LINGO2: variants seen among roughly 807,000 people sequenced by gnomAD.
LINGO2 encodes the protein leucine rich repeat and Ig domain containing 2.
In LINGO2, 14 loss-of-function variants were observed where a neutral mutation model predicts 30.6. The observed-to-expected ratio is 0.46, with a 90% CI of 0.30 to 0.72. The LOEUF (loss-of-function observed/expected upper bound fraction) is 0.72, where lower values mean the gene tolerates loss of function less well. LINGO2 is among the 30% of genes least tolerant of loss of function. LINGO2 has a pLI of 0.07. For missense variants in LINGO2, 729 were observed against 751.7 expected (o/e 0.97, Z 0.35); for synonymous variants, 317 against 288.5 (o/e 1.10, Z -1.00).
chr9:28,899,839 A>C, the LINGO2 span, among the ~76,000 whole-genome samples: 1 of 152,152 alleles, frequency 6.6e-6, no homozygotes, highest in African/African-American at 2.4e-5. Flanking sequence ...CCCATCGTCC[A>C]AGGCCACCCC....
In LINGO2 at chr9:28,341,855, C is replaced by T. The variant is rs542083367; in HGVS notation, c.-246+30981G>A. Among the ~76,000 whole-genome samples the T allele has an allele frequency of 1.6e-4, 24 of 152,186 alleles. 1 individual carries two copies. Among genetic ancestry groups the T allele is most frequent in the Admixed American group, 1.4e-3 (22 of 15,272 alleles). ...TAGCATCCCTTTACTGGAAATAAAA[C>T]ACCACATACCCACAATGCATTGTTT... On this transcript the variant is annotated intron_variant, in intron 3 of 5. Transcript: ENST00000379992.
At chr9:28,421,434 A>G (rs977188959) in intron 2 of LINGO2, among the ~76,000 whole-genome samples, 6 of 151,394 alleles carry the variant, frequency 4.0e-5, no homozygotes, top group Non-Finnish European at 8.9e-5. Context: ...AAAAAAAGCC[A>G]TCCTAAAATT....
chr9:29,073,004 C>T, the LINGO2 span, among the ~76,000 whole-genome samples: 5 of 150,980 alleles, frequency 3.3e-5, no homozygotes, highest in Non-Finnish European at 5.9e-5. Context: ...CCCATGGGCA[C>T]ACACACACCC....
the LINGO2 span, among the ~76,000 whole-genome samples, chr9:29,010,678 T>C: frequency 1.1e-4 from 16 of 152,152 alleles, no homozygotes; most frequent in African/African-American, 3.9e-4. Context: ...TACTACTCAA[T>C]ATAGAATTAG....
At chr9:28,206,185 A>G (rs1024332235) in intron 4 of LINGO2, among the ~76,000 whole-genome samples, 30 of 151,178 alleles carry the variant, frequency 2.0e-4, no homozygotes, top group Non-Finnish European at 3.5e-4. Flanking sequence ...AAAAAAAAAA[A>G]AAAAAGGAGG....
At chr9:28,104,815 ATTG>A (rs887108237) in intron 4 of LINGO2, among the ~76,000 whole-genome samples, 2 of 152,130 alleles carry the variant, frequency 1.3e-5, no homozygotes, top group Admixed American at 6.6e-5. Flanking sequence ...TCAAAGAAAT[ATTG>A]TTCTATTTTT....
At chr9:28,071,843 TTTTA>T (rs1825488275) in intron 4 of LINGO2, among the ~76,000 whole-genome samples, 2 of 152,286 alleles carry the variant, frequency 1.3e-5, no homozygotes, top group African/African-American at 2.4e-5. Context: ...TATTTCTGAA[TTTTA>T]TTTATTATTG....
intron 4 of LINGO2, among the ~76,000 whole-genome samples, chr9:28,141,248 A>T (rs1383334588): frequency 6.6e-6 from 1 of 152,214 alleles, no homozygotes; most frequent in African/African-American, 2.4e-5. Context: ...TGGAATTTTT[A>T]GAAATGTGTC....
the LINGO2 span, among the ~76,000 whole-genome samples, chr9:29,049,214 G>T: frequency 6.6e-6 from 1 of 152,142 alleles, no homozygotes; most frequent in Non-Finnish European, 1.5e-5. Context: ...CAGATGAAAA[G>T]GTGCTGACAT....
chr9:28,495,993 G>C (rs957342262), intron 1 of LINGO2, among the ~76,000 whole-genome samples: 1 of 152,048 alleles, frequency 6.6e-6, no homozygotes. Flanking sequence ...TAAAACCTGA[G>C]TTCTAGTTTG....
the LINGO2 span, among the ~76,000 whole-genome samples, chr9:29,131,377 T>C: frequency 2.0e-5 from 3 of 152,158 alleles, no homozygotes; most frequent in Non-Finnish European, 2.9e-5. Flanking sequence ...TTAAGATCTT[T>C]AAATTTAACA....
At chr9:28,138,294 T>C (rs1029642837) in intron 4 of LINGO2, among the ~76,000 whole-genome samples, 10 of 152,166 alleles carry the variant, frequency 6.6e-5, no homozygotes, top group Non-Finnish European at 1.0e-4. Flanking sequence ...TTTTTTTCCT[T>C]TGCTTTACTT....
chr9:28,914,084 T>C, the LINGO2 span, among the ~76,000 whole-genome samples: 7 of 152,248 alleles, frequency 4.6e-5, no homozygotes, highest in African/African-American at 1.4e-4. Context: ...TGATAAAGCA[T>C]ACAACAAGAA....
intron 1 of LINGO2, among the ~76,000 whole-genome samples, chr9:28,530,494 A>G (rs1223555728): frequency 1.3e-5 from 2 of 152,150 alleles, no homozygotes; most frequent in Admixed American, 1.3e-4. Context: ...CTCAGAGTAA[A>G]CATAACGGCC....
the LINGO2 span, among the ~76,000 whole-genome samples, chr9:28,938,908 TAA>T: frequency 6.6e-6 from 1 of 152,276 alleles, no homozygotes; most frequent in South Asian, 2.1e-4. Flanking sequence ...TGTTAAGAAA[TAA>T]GAGCTCACAC....
the LINGO2 span, among the ~76,000 whole-genome samples, chr9:28,851,362 C>G: frequency 2.0e-5 from 3 of 152,058 alleles, no homozygotes; most frequent in Non-Finnish European, 4.4e-5. Context: ...TGAGCCAAGT[C>G]ATTTCATATT....
intron 4 of LINGO2, among the ~76,000 whole-genome samples, chr9:28,200,798 A>G (rs1177378866): frequency 6.6e-6 from 1 of 152,230 alleles, no homozygotes; most frequent in Admixed American, 6.5e-5. Flanking sequence ...TTTAAAGTCC[A>G]GTGATAAAAA....
the LINGO2 span, among the ~76,000 whole-genome samples, chr9:28,847,286 C>A: frequency 2.0e-5 from 3 of 147,710 alleles, no homozygotes; most frequent in African/African-American, 7.7e-5. Context: ...TATAACAGCA[C>A]AATTTAAGAA....
chr9:29,079,264 G>A, the LINGO2 span, among the ~76,000 whole-genome samples: 3 of 151,946 alleles, frequency 2.0e-5, no homozygotes, highest in South Asian at 4.1e-4. Context: ...ATGAAACCAA[G>A]GACAAATGGT....
Sources: gnomAD v4.1 joint callset for allele counts (sites outside exome capture counted in the v4.1 genomes callset) on GRCh38, gnomAD v4.1.1 for gene constraint, MANE v1.5 for transcripts, NCBI Gene and HGNC (gene_info 2026-07-23, HGNC 2026-07-21) for gene names.